EIF3A: variants seen among roughly 807,000 people sequenced by gnomAD.
EIF3A encodes eukaryotic translation initiation factor 3 subunit A.
In EIF3A, 21 loss-of-function variants were observed where a neutral mutation model predicts 186.6. The observed-to-expected ratio is 0.11, with a 90% CI of 0.08 to 0.16. The LOEUF (loss-of-function observed/expected upper bound fraction) is 0.16. Ranked by LOEUF, EIF3A falls within the 10% of genes least tolerant of loss-of-function variation. The probability of loss-of-function intolerance (pLI) is 1.00; values close to 1 mark genes in which losing one functional copy is unlikely to be tolerated. For synonymous variants in EIF3A, 563 were observed against 584.3 expected (o/e 0.96, Z 0.52); for missense variants, 1,306 against 1,796.3 (o/e 0.73, Z 4.93).
At chr10:119,047,606 T>C (rs922395410) in intron 17 of EIF3A, among the ~76,000 whole-genome samples, 2 of 152,130 alleles carry the variant, frequency 1.3e-5, no homozygotes, top group East Asian at 1.9e-4. Flanking sequence ...GACAGTCCCA[T>C]AAACTAACAA....
chr10:119,049,231 A>C (rs1388715155), intron 17 of EIF3A, among the ~76,000 whole-genome samples: 3 of 152,158 alleles, frequency 2.0e-5, no homozygotes, highest in Non-Finnish European at 4.4e-5. Context: ...AGGCCAAGGC[A>C]AGCAGATTGT....
At chr10:119,063,755 T>C (rs2119819744) in intron 7 of EIF3A, among the ~76,000 whole-genome samples, 1 of 152,252 alleles carries the variant, frequency 6.6e-6, no homozygotes, top group East Asian at 1.9e-4. Context: ...AAATTTCCAC[T>C]GAATGGAAGA....
chr10:119,056,903 G>A (rs1843793037), intron 13 of EIF3A, 33 bp downstream of exon 13: 1 of 1,583,754 alleles, frequency 6.3e-7, no homozygotes, highest in Non-Finnish European at 8.7e-7. Context: ...TCTTAACTTG[G>A]TATGTTAAAG....
intron 4 of EIF3A, among the ~76,000 whole-genome samples, chr10:119,072,187 T>C (rs896563035): frequency 6.7e-6 from 1 of 149,120 alleles, no homozygotes; most frequent in South Asian, 2.1e-4. Flanking sequence ...CCAGCTCTTT[T>C]TTAAAAACTA....
intron 19 of EIF3A, among the ~76,000 whole-genome samples, chr10:119,041,706 C>A (rs1159912712): frequency 6.6e-6 from 1 of 152,176 alleles, no homozygotes; most frequent in African/African-American, 2.4e-5. Context: ...GAAAAATACA[C>A]CAATACTGAA....
chr10:119,071,448 T>C (rs577400299), intron 4 of EIF3A, among the ~76,000 whole-genome samples: 1 of 152,176 alleles, frequency 6.6e-6, no homozygotes, highest in Admixed American at 6.6e-5. Context: ...CTAACTTACA[T>C]AGTAAGAAAC....
intron 1 of EIF3A, among the ~76,000 whole-genome samples, chr10:119,076,487 CA>C (rs930006868): frequency 1.8e-3 from 194 of 105,754 alleles, no homozygotes; most frequent in African/African-American, 6.4e-3. Context: ...ATCTTACTAT[CA>C]AAAAAAAAAC....
At chr10:119,052,166 T>C (rs758469249) in intron 14 of EIF3A, among the ~76,000 whole-genome samples, 1 of 152,246 alleles carries the variant, frequency 6.6e-6, no homozygotes, top group African/African-American at 2.4e-5. Flanking sequence ...TCTCAAACCC[T>C]GCTGCTGCTT....
rs556329159 is a variant in EIF3A at position 119,039,611 on chromosome 10, G to A, written c.3527-1172C>T. ...CTTGAGCCCAGGAGGCAGAGGTTGC[G>A]GTGATCTGAGATCACGCCACTGCAC... On this transcript the variant is annotated intron_variant, in intron 19 of 21. Transcript: ENST00000369144. Among the ~76,000 whole-genome samples the A allele has an allele frequency of 6.6e-5, 10 of 152,140 alleles. No homozygotes were observed. The East Asian group carries it at 1.5e-3, about 24-fold the overall frequency.
intron 18 of EIF3A, among the ~76,000 whole-genome samples, chr10:119,043,700 G>A (rs1249765631): frequency 1.3e-5 from 2 of 151,964 alleles, no homozygotes; most frequent in Non-Finnish European, 2.9e-5. Flanking sequence ...CAGTCAGATC[G>A]CTTGAGGTCA....
intron 6 of EIF3A, among the ~76,000 whole-genome samples, chr10:119,069,111 T>A (rs113679508): frequency 6.6e-6 from 1 of 152,240 alleles, no homozygotes. Flanking sequence ...ATTTCTCAAT[T>A]GGGCTTTTAG....
rs763116555 is a variant in EIF3A at position 119,038,452 on chromosome 10, A to C, written c.3527-13T>G. The stretch of plus-strand genomic sequence containing the variant: ...TCTCTCCATCCACCTGTTTTTTTGA[A>C]AAAGCAAAACATTTTTAAAATATTT... On this transcript the variant is annotated splice_polypyrimidine_tract_variant and intron_variant, in intron 19 of 21. Transcript: ENST00000369144. 6.3e-7 allele frequency: 1 copy of C among 1,587,282 alleles called. No homozygotes were observed. Among genetic ancestry groups the C allele is most frequent in the Non-Finnish European group, 8.6e-7 (1 of 1,169,224 alleles).
chr10:119,065,849 GC>G (rs770615005), intron 6 of EIF3A, among the ~76,000 whole-genome samples: 50 of 152,188 alleles, frequency 3.3e-4, no homozygotes, highest in Non-Finnish European at 5.9e-4. Flanking sequence ...AGGCGCGGTG[GC>G]TCACGCCTGT....
At chr10:119,050,761 C>T (rs1329696329) in intron 15 of EIF3A, 87 bp from the exon 16 acceptor site, 1 of 1,416,932 alleles carries the variant, frequency 7.1e-7, no homozygotes, top group South Asian at 1.2e-5. Context: ...TTACAAAAGA[C>T]TCTCAAGTGT....
rs760586367 is a variant in EIF3A, at chr10:119,042,042, G to A, written c.3478C>T (p.Arg1160Trp). Residue 1160 changes from arginine to tryptophan, a missense_variant, in exon 19 of 22, where the codon CGG becomes TGG. Around this residue, in one of 8 missense-constraint regions of EIF3A, gnomAD observed 331 missense variants for 365.8 expected, o/e 0.90. Coordinates refer to ENST00000369144, the MANE Select transcript of EIF3A (RefSeq NM_003750.4). This position sits in a 1 kb window ranked among gnomAD's most constrained non-coding sequence, Gnocchi z 7.8. The part of the protein sequence containing the change: ...RRADDDRFPR[R>W]GDDSRPGPWR... The stretch of plus-strand genomic sequence containing the variant: ...GGACCAGGTCTTGAGTCATCACCCC[G>A]TCTGGGAAACCGATCATCATCAGCA... 7.7e-5 allele frequency: 125 copies of A among 1,614,010 alleles called. No homozygotes were observed. In the South Asian group the frequency reaches 7.9e-4, roughly 10 times the overall value.
chr10:119,075,545 T>TCA (rs1425313197), intron 1 of EIF3A, among the ~76,000 whole-genome samples: 1 of 141,190 alleles, frequency 7.1e-6, no homozygotes, highest in East Asian at 2.3e-4. Flanking sequence ...ATTGCAAATT[T>TCA]CACACACACA....
rs773882761 is a variant in EIF3A, at chr10:119,050,513, C to T, written c.2473+8G>A. 5.0e-6 allele frequency: 8 copies of T among 1,613,460 alleles called. No individual in the cohort carries two copies. Among genetic ancestry groups the T allele is most frequent in the Non-Finnish European group, 6.8e-6 (8 of 1,179,596 alleles). On this transcript the variant is annotated splice_region_variant and intron_variant, in intron 16 of 21. Transcript: ENST00000369144. ...TAGCACCCCTCCAATCCTGTTTGAC[C>T]TGTGTACCTTTTAGCATTTGTTCTT...
chr10:119,047,129 G>T (rs748024565), intron 17 of EIF3A, among the ~76,000 whole-genome samples: 1 of 151,606 alleles, frequency 6.6e-6, no homozygotes, highest in East Asian at 1.9e-4. Flanking sequence ...TTAGCCAGGC[G>T]TGGTGGCACA....
intron 6 of EIF3A, among the ~76,000 whole-genome samples, chr10:119,068,733 T>C (rs1844021693): frequency 6.6e-6 from 1 of 151,916 alleles, no homozygotes; most frequent in African/African-American, 2.4e-5. Context: ...CCCAGCACTT[T>C]GGGAGGCAGA....
Sources: allele counts gnomAD v4.1 joint callset (sites outside exome capture counted in the v4.1 genomes callset), GRCh38; gene constraint gnomAD v4.1.1; regional missense constraint gnomAD v4.1.1; non-coding constraint Gnocchi (gnomAD v3.1); transcripts MANE v1.5; gene names NCBI Gene and HGNC (gene_info 2026-07-23, HGNC 2026-07-21).